Variants in CSMD2 observed in about 807,000 individuals in gnomAD.
CSMD2 encodes the protein CUB and Sushi multiple domains 2.
Under a neutral mutation model 398.5 loss-of-function variants are expected in CSMD2, and 130 were observed. The ratio of observed to expected loss-of-function variants is 0.33; its 90% CI spans 0.28 to 0.38. CSMD2 has a LOEUF of 0.38. CSMD2 is among the 10% of genes least tolerant of loss of function. The pLI is 1.00. For missense variants in CSMD2, 3,829 were observed against 4,764.9 expected, an observed-to-expected ratio of 0.80 and a Z score of 5.78; for synonymous variants, 1,828 against 1,908.5, an observed-to-expected ratio of 0.96 and a Z score of 1.10.
intron 3 of CSMD2, among the ~76,000 whole-genome samples, chr1:33,972,158 G>C (rs574983378): frequency 6.6e-5 from 10 of 152,154 alleles, no homozygotes; most frequent in Non-Finnish European, 1.5e-4. Context: ...AGGGGGCAGT[G>C]GGATGAACAG....
In CSMD2 at chr1:33,614,481, CTCT is replaced by C. The variant is rs764899219; in HGVS notation, c.6133+20_6133+22del. 6.7e-6 allele frequency: 9 copies of C among 1,346,840 alleles called. No homozygotes were observed. In the South Asian group the frequency reaches 1.1e-4, roughly 16 times the overall value. The allele number at this position is 1,346,840 out of a possible 1,614,324, so 83.4% of individuals were successfully genotyped here. A position where few individuals can be genotyped will look rare whatever the true frequency, so the allele number is the denominator to read the frequency against. The stretch of plus-strand genomic sequence containing the variant: ...AGGGTCTGGGCTTGAAGCCTGTCTC[CTCT>C]GGGGGCTGCAGAGACTTACCAAAGC... On this transcript the variant is annotated intron_variant, in intron 40 of 70. Transcript: ENST00000373381.
intron 1 of CSMD2, among the ~76,000 whole-genome samples, chr1:34,114,143 G>A (rs1444467984): frequency 6.6e-6 from 1 of 152,052 alleles, no homozygotes; most frequent in African/African-American, 2.4e-5. Context: ...ACCCTTGAAG[G>A]AAAAACAAAC....
At chr1:33,702,291 T>C (rs1194540259) in intron 22 of CSMD2, among the ~76,000 whole-genome samples, 3 of 152,332 alleles carry the variant, frequency 2.0e-5, no homozygotes, top group African/African-American at 4.8e-5. Flanking sequence ...ATGACATCTA[T>C]GAGATAATTG....
At chr1:33,856,947 C>G (rs940806326) in intron 5 of CSMD2, among the ~76,000 whole-genome samples, 2 of 151,838 alleles carry the variant, frequency 1.3e-5, no homozygotes, top group East Asian at 3.9e-4. Context: ...CCTCAAGACA[C>G]GACATCTACA....
In CSMD2 at chr1:33,523,185, C is replaced by T. The variant is rs1379908104; in HGVS notation, c.10509+122G>A. ...ATCCTCTTGCTGCTCCTAGGCAGGG[C>T]CCCACAGAAAACCTCCTCCCAAGTT... is the stretch of plus-strand genomic sequence containing the variant. On this transcript the variant is annotated intron_variant, in intron 67 of 70. Coordinates refer to ENST00000373381, the MANE Select transcript of CSMD2 (RefSeq NM_001281956.2). 7 of 589,076 alleles carry T rather than the reference C, an allele frequency of 1.2e-5. No individual in the cohort carries two copies. The African/African-American group carries it at 1.3e-4, about 11-fold the overall frequency. The allele number at this position is 589,076 out of a possible 1,614,324, so 36.5% of individuals were successfully genotyped here.
chr1:33,984,355 G>A (rs183992286), intron 3 of CSMD2, among the ~76,000 whole-genome samples: 76 of 152,262 alleles, frequency 5.0e-4, no homozygotes, highest in Non-Finnish European at 8.4e-4. Flanking sequence ...TATTTCACTC[G>A]GTGTGGGGTG....
At chr1:33,550,143 A>T in intron 56 of CSMD2, 34 bp downstream of exon 56, 1 of 1,598,782 alleles carries the variant, frequency 6.3e-7, no homozygotes. Context: ...CAAGCATTCC[A>T]CTGGAGCTCT....
chr1:33,643,567 C>A (rs937519536), intron 29 of CSMD2, among the ~76,000 whole-genome samples: 1 of 152,200 alleles, frequency 6.6e-6, no homozygotes, highest in African/African-American at 2.4e-5. Context: ...ACAACAACTC[C>A]TTCGTTTAGT....
At chr1:33,795,268 T>A (rs539383957) in intron 10 of CSMD2, among the ~76,000 whole-genome samples, 1 of 152,130 alleles carries the variant, frequency 6.6e-6, no homozygotes, top group East Asian at 1.9e-4. Context: ...GATTTGTCAA[T>A]AGTGAGTGGG....
intron 44 of CSMD2, among the ~76,000 whole-genome samples, chr1:33,587,871 A>C (rs1360278402): frequency 6.6e-6 from 1 of 152,202 alleles, no homozygotes; most frequent in Non-Finnish European, 1.5e-5. Context: ...ACACAGAGTC[A>C]AGTGCTATAC....
chr1:34,101,941 T>G (rs112187690), intron 1 of CSMD2, among the ~76,000 whole-genome samples: 40 of 152,344 alleles, frequency 2.6e-4, no homozygotes, highest in African/African-American at 9.1e-4. Context: ...GAGTCAGAAT[T>G]TTAATCTTTT....
chr1:33,927,150 A>T (rs72665717), intron 4 of CSMD2, among the ~76,000 whole-genome samples: 1 of 151,980 alleles, frequency 6.6e-6, no homozygotes, highest in Non-Finnish European at 1.5e-5. Context: ...GTTGCGGCCC[A>T]CCCCCTTTTC....
At chr1:33,820,418 C>T (rs1426106916) in intron 8 of CSMD2, 51 bp downstream of exon 8, 5 of 1,280,532 alleles carry the variant, frequency 3.9e-6, no homozygotes, top group Non-Finnish European at 5.7e-6. Flanking sequence ...TTCCTCCCAG[C>T]CAGGCCACCC....
intron 5 of CSMD2, chr1:33,882,116 A>C (rs770320047): frequency 6.6e-6 from 1 of 152,266 alleles, no homozygotes; most frequent in Non-Finnish European, 1.5e-5. Flanking sequence ...TCCTACCATG[A>C]AAATTACCTT....
chr1:33,738,712 C>T (rs1646959661), intron 15 of CSMD2, among the ~76,000 whole-genome samples: 1 of 152,050 alleles, frequency 6.6e-6, no homozygotes, highest in Non-Finnish European at 1.5e-5. Flanking sequence ...GGAGACATCC[C>T]AGGGAATTGG....
At chr1:33,856,837 G>A (rs1487380049) in intron 5 of CSMD2, among the ~76,000 whole-genome samples, 1 of 151,900 alleles carries the variant, frequency 6.6e-6, no homozygotes, top group East Asian at 1.9e-4. Flanking sequence ...TGCTGGCCAT[G>A]TGACCTTGGA....
chr1:33,978,901 G>A (rs1350321612), intron 3 of CSMD2, among the ~76,000 whole-genome samples: 1 of 152,186 alleles, frequency 6.6e-6, no homozygotes, highest in Non-Finnish European at 1.5e-5. Context: ...TCCAAGAAGT[G>A]AGTACTATTG....
At chr1:33,739,481 C>T (rs1398781066) in intron 14 of CSMD2, 147 bp from the exon 15 acceptor site, 1 of 719,200 alleles carries the variant, frequency 1.4e-6, no homozygotes. Context: ...GCTAGGCATT[C>T]TAGGACCTCG....
At chr1:34,011,570 A>G (rs1647330575) in intron 3 of CSMD2, among the ~76,000 whole-genome samples, 1 of 152,058 alleles carries the variant, frequency 6.6e-6, no homozygotes, top group African/African-American at 2.4e-5. Flanking sequence ...CTATAAGTGT[A>G]TTCTTTTTTT....
Sources: gnomAD v4.1 joint callset for allele counts (sites outside exome capture counted in the v4.1 genomes callset) on GRCh38, gnomAD v4.1.1 for gene constraint, MANE v1.5 for transcripts, NCBI Gene and HGNC (gene_info 2026-07-23, HGNC 2026-07-21) for gene names.